Variants in TAPBP observed in about 807,000 individuals in gnomAD.
TAPBP encodes tapasin.
In TAPBP, 38 loss-of-function variants were observed where a neutral mutation model predicts 45.7. The ratio of observed to expected loss-of-function variants is 0.83; its 90% CI spans 0.64 to 1.09. The LOEUF (loss-of-function observed/expected upper bound fraction) is 1.09. Among genes scored for constraint, TAPBP ranks in the 50% least tolerant of loss-of-function variants. The probability of loss-of-function intolerance (pLI) is 0.00; values close to 1 mark genes in which losing one functional copy is unlikely to be tolerated. For synonymous variants in TAPBP, 226 were observed against 254.8 expected (o/e 0.89, Z 1.08); for missense variants, 513 against 587.3 (o/e 0.87, Z 1.31).
chr6:33,310,023 A>AT (rs1388459272), intron 3 of TAPBP, among the ~76,000 whole-genome samples: 1 of 149,326 alleles, frequency 6.7e-6, no homozygotes. Flanking sequence ...TGCGCCCAGC[A>AT]TTTTTTTAAT....
chr6:33,311,594 A>T (rs993123528), intron 3 of TAPBP, among the ~76,000 whole-genome samples: 1 of 152,172 alleles, frequency 6.6e-6, no homozygotes, highest in Non-Finnish European at 1.5e-5. Context: ...ACGCCATTGC[A>T]CTCCAGCCTG....
At chr6:33,310,745 G>A (rs574880432) in intron 3 of TAPBP, among the ~76,000 whole-genome samples, 2 of 151,658 alleles carry the variant, frequency 1.3e-5, no homozygotes, top group African/African-American at 2.4e-5. Context: ...CTTGAGCCAC[G>A]GAGGTGGAGG....
rs186119240 is a variant in TAPBP, at chr6:33,312,182, C to A, written c.469+1035G>T. ...AAATATTCCACCCCACCAGAGAGAGCTACTGTCTACACAAGAGCAGTGTTC... is the reference window on the plus strand; with the variant it reads ...AAATATTCCACCCCACCAGAGAGAGATACTGTCTACACAAGAGCAGTGTTC... On this transcript the variant is annotated intron_variant, in intron 3 of 7. Coordinates refer to ENST00000434618, the MANE Select transcript of TAPBP (RefSeq NM_003190.5). Among the ~76,000 whole-genome samples, 14 of 152,258 alleles carry A rather than the reference C, an allele frequency of 9.2e-5. No homozygotes were observed. The East Asian group carries it at 2.7e-3, about 29-fold the overall frequency.
Position 33,305,438 on chromosome 6 carries a change from G to C in TAPBP, c.470-51C>G. The C allele has an allele frequency of 6.8e-7, 1 of 1,473,114 alleles. No homozygotes were observed. The highest frequency in any genetic ancestry group is 1.5e-5 in the South Asian group (1 of 68,750). The allele number at this position is 1,473,114 out of a possible 1,614,324, so 91.3% of individuals were successfully genotyped here. On this transcript the variant is annotated intron_variant, in intron 3 of 7. Transcript: ENST00000434618. This position sits in a 1 kb window ranked among gnomAD's most constrained non-coding sequence, Gnocchi z 4.4. ...TTGGGAGGGGCATGAGGGAGAGAAA[G>C]AAGGAGAAAAAAATAGAGAAATGCA...
In TAPBP at chr6:33,313,566, A is replaced by T; in HGVS notation, c.209-89T>A. 1.3e-6 allele frequency: 2 copies of T among 1,519,140 alleles called. No individual in the cohort carries two copies. The highest frequency in any genetic ancestry group is 1.8e-6 in the Non-Finnish European group (2 of 1,130,952). 94.1% of individuals were successfully genotyped at this position (1,519,140 alleles called of 1,614,324 possible). ...CGTTCGGGGAACTTCAAATGCACAGACTACCCCGTAGTGAGACTCACTTTA... is the reference window on the plus strand; with the variant it reads ...CGTTCGGGGAACTTCAAATGCACAGTCTACCCCGTAGTGAGACTCACTTTA... On this transcript the variant is annotated intron_variant, in intron 2 of 7. Transcript: ENST00000434618. This position sits in a 1 kb window ranked among gnomAD's most constrained non-coding sequence, Gnocchi z 7.2.
chr6:33,313,744 TC>T lies in TAPBP; in HGVS notation c.157del (p.Glu53AsnfsTer41), dbSNP rs1308210930. Reference sequence around the variant, plus strand: ...GTCGAGGTCCGGCCGGGGCGGCGGTTCCCCCGGTCCCTGGCGCAACAGCAGT... The same window carrying T: ...GTCGAGGTCCGGCCGGGGCGGCGGTTCCCCGGTCCCTGGCGCAACAGCAGT... ...GALLLRQGPGEPPPRPDLDPE... is the reference protein window; with the variant it reads ...GALLLRQGPGXPPPRPDLDPE... On this transcript the variant is annotated frameshift_variant, in exon 2 of 8. Coordinates refer to ENST00000434618, the MANE Select transcript of TAPBP (RefSeq NM_003190.5). LOFTEE classifies it high-confidence loss of function. This position sits in a 1 kb window ranked among gnomAD's most constrained non-coding sequence, Gnocchi z 7.2. 6.2e-7 allele frequency: 1 copy of T among 1,613,312 alleles called. No homozygotes were observed. The highest frequency in any genetic ancestry group is 8.5e-7 in the Non-Finnish European group (1 of 1,179,958).
rs1345046538 is a variant in TAPBP at position 33,304,788 on chromosome 6, G to A, written c.869-150C>T. 2.7e-5 allele frequency: 33 copies of A among 1,236,636 alleles called. No homozygotes were observed. The East Asian group carries it at 2.8e-4, about 11-fold the overall frequency. The allele number at this position is 1,236,636 out of a possible 1,614,324, so 76.6% of individuals were successfully genotyped here. A position where few individuals can be genotyped will look rare whatever the true frequency, so the allele number is the denominator to read the frequency against. On this transcript the variant is annotated intron_variant, in intron 4 of 7. Transcript: ENST00000434618. ...GAACCCACTGTCTCTCCATTGGTGCGTCACAGAAATACCCATGTCAAAGCC... is the reference window on the plus strand; with the variant it reads ...GAACCCACTGTCTCTCCATTGGTGCATCACAGAAATACCCATGTCAAAGCC...
chr6:33,304,233 G>A lies in TAPBP; in HGVS notation c.1211-16C>T, dbSNP rs775659801. The A allele has an allele frequency of 1.3e-5, 21 of 1,611,932 alleles. No homozygotes were observed. The highest frequency in any genetic ancestry group is 1.8e-5 in the Non-Finnish European group (21 of 1,178,820). ...CCTGAAAGACCTGGCAGGCAGAAGG[G>A]GTGAGAGTGAGCTCCTGTCTTCCTG... On this transcript the variant is annotated splice_polypyrimidine_tract_variant and intron_variant, in intron 5 of 7. Transcript: ENST00000434618.
rs1768596650 is a variant in TAPBP at position 33,301,636 on chromosome 6, C to A, written c.*124G>T. The stretch of plus-strand genomic sequence containing the variant: ...GTGAAAGAAAAAAAAAAAAGCATTC[C>A]AGCCACTCAGTGGAGAGAGATTGGA... On this transcript the variant is annotated 3_prime_UTR_variant, in exon 8 of 8. Coordinates refer to ENST00000434618, the MANE Select transcript of TAPBP (RefSeq NM_003190.5). 3 of 805,520 alleles carry A rather than the reference C, an allele frequency of 3.7e-6. No homozygotes were observed. Among genetic ancestry groups the A allele is most frequent in the Non-Finnish European group, 6.0e-6 (3 of 500,178 alleles). 49.9% of individuals were successfully genotyped at this position (805,520 alleles called of 1,614,324 possible). A position where few individuals can be genotyped will look rare whatever the true frequency, so the allele number is the denominator to read the frequency against.
intron 3 of TAPBP, among the ~76,000 whole-genome samples, chr6:33,312,861 G>A (rs538714257): frequency 7.9e-5 from 12 of 152,202 alleles, no homozygotes; most frequent in African/African-American, 2.4e-4. Flanking sequence ...TCCTGCTTCT[G>A]AACCCCTCCC....
chr6:33,313,596 G>C lies in TAPBP; in HGVS notation c.208+98C>G. 6.5e-7 allele frequency: 1 copy of C among 1,537,564 alleles called. No individual in the cohort carries two copies. The highest frequency in any genetic ancestry group is 2.0e-5 in the Admixed American group (1 of 50,346). ...CCCGTAGTGAGACTCACTTTACAAA[G>C]GGGAAGCTGAGGCCTGAGGTCACTG... On this transcript the variant is annotated intron_variant, in intron 2 of 7. Coordinates refer to ENST00000434618, the MANE Select transcript of TAPBP (RefSeq NM_003190.5). This position sits in a 1 kb window ranked among gnomAD's most constrained non-coding sequence, Gnocchi z 7.2.
At chr6:33,312,353 T>C (rs757832924) in intron 3 of TAPBP, among the ~76,000 whole-genome samples, 6 of 152,044 alleles carry the variant, frequency 3.9e-5, no homozygotes, top group Non-Finnish European at 7.4e-5. Flanking sequence ...CAGGGATTGG[T>C]TGGGGTTGCC....
rs1285998909 is a variant in TAPBP, at chr6:33,304,969, A to G, written c.868+20T>C. 4 of 1,611,992 alleles carry G rather than the reference A, an allele frequency of 2.5e-6. No individual in the cohort carries two copies. Among genetic ancestry groups the G allele is most frequent in the Non-Finnish European group, 2.5e-6 (3 of 1,178,754 alleles). ...CAGTGCCCACCCTCTACCCCTGGAGACCTCTGTCCCCCAACTCACTGTACA... is the reference window on the plus strand; with the variant it reads ...CAGTGCCCACCCTCTACCCCTGGAGGCCTCTGTCCCCCAACTCACTGTACA... On this transcript the variant is annotated intron_variant, in intron 4 of 7. Coordinates refer to ENST00000434618, the MANE Select transcript of TAPBP (RefSeq NM_003190.5).
chr6:33,305,373 G>A lies in TAPBP; in HGVS notation c.484C>T (p.Leu162Phe), dbSNP rs560088183. Reference protein sequence around the residue: ...ITMATVVLTVLTHTPAPRVRL... With the variant: ...ITMATVVLTVFTHTPAPRVRL... The stretch of plus-strand genomic sequence containing the variant: ...ACTCGAGGGGCAGGGGTGTGGGTGA[G>A]GACAGTCAGTACCACTGAGGAAGAC... The change falls in exon 4 of 8, where the codon CTC (leucine) becomes TTC (phenylalanine). Residue 162 changes from leucine to phenylalanine, a missense_variant. Leu to Phe is a conservative substitution (Grantham distance 22). Transcript: ENST00000434618. The surrounding 1 kb of genome is among the most constrained non-coding windows in gnomAD (Gnocchi z 4.4). The A allele has an allele frequency of 2.0e-6, 3 of 1,525,864 alleles. No individual in the cohort carries two copies. The highest frequency in any genetic ancestry group is 2.6e-5 in the South Asian group (2 of 75,972). The allele number at this position is 1,525,864 out of a possible 1,614,324, so 94.5% of individuals were successfully genotyped here.
chr6:33,307,117 G>T lies in TAPBP; in HGVS notation c.470-1730C>A, dbSNP rs6906141. Among the ~76,000 whole-genome samples, 405 of 152,090 alleles carry T rather than the reference G, an allele frequency of 2.7e-3. 1 individual carries two copies. The highest frequency in any genetic ancestry group is 6.8e-3 in the Middle Eastern group (2 of 294). On this transcript the variant is annotated intron_variant, in intron 3 of 7. Transcript: ENST00000434618. ...AGCCTGGCCAACATGGCAAAACCCT[G>T]TCTCTACTAAAAATACAAAAATTAG...
rs1455181090 is a variant in TAPBP, at chr6:33,300,094, G to C, written c.*1666C>G. The stretch of plus-strand genomic sequence containing the variant: ...AAAGGGAACAGAGGACTGGGACCTG[G>C]AGGTGGGCGGGAGGCGTTTGGTTCA... On this transcript the variant is annotated 3_prime_UTR_variant, in exon 8 of 8. Transcript: ENST00000434618. 6.5e-6 allele frequency: 1 copy of C among 154,076 alleles called. No individual in the cohort carries two copies. Among genetic ancestry groups the C allele is most frequent in the East Asian group, 1.9e-4 (1 of 5,208 alleles). The allele number at this position is 154,076 out of a possible 1,614,324, so 9.5% of individuals were successfully genotyped here.
rs1310928335 is a variant in TAPBP at position 33,305,952 on chromosome 6, C to T, written c.470-565G>A. On this transcript the variant is annotated intron_variant, in intron 3 of 7. Transcript: ENST00000434618. This position sits in a 1 kb window ranked among gnomAD's most constrained non-coding sequence, Gnocchi z 4.4. ...AGCCTGGCTGACCGGGTTCAAATCC[C>T]CTCTGCAGCTTATTTATATGGCCTT... 6.6e-6 allele frequency among the ~76,000 whole-genome samples: 1 copy of T among 152,112 alleles called. No homozygotes were observed. Among genetic ancestry groups the T allele is most frequent in the Non-Finnish European group, 1.5e-5 (1 of 68,028 alleles).
intron 3 of TAPBP, among the ~76,000 whole-genome samples, chr6:33,311,001 C>G (rs1769304175): frequency 6.6e-6 from 1 of 152,072 alleles, no homozygotes; most frequent in African/African-American, 2.4e-5. Context: ...AATCCCTGAT[C>G]AAGCAGAAAT....
At chr6:33,306,216 G>C (rs749486953) in intron 3 of TAPBP, among the ~76,000 whole-genome samples, 3 of 152,126 alleles carry the variant, frequency 2.0e-5, no homozygotes, top group Non-Finnish European at 2.9e-5. Context: ...ACCTAACTTA[G>C]CATACCCCAA....
Sources: gnomAD v4.1 joint callset for allele counts (sites outside exome capture counted in the v4.1 genomes callset) on GRCh38, gnomAD v4.1.1 for gene constraint, Gnocchi (gnomAD v3.1) non-coding constraint, MANE v1.5 for transcripts, NCBI Gene and HGNC (gene_info 2026-07-23, HGNC 2026-07-21) for gene names.